The following RPL21 variants were observed in gnomAD, a reference collection of about 807,000 sequenced individuals.
The protein encoded by RPL21 is large ribosomal subunit protein eL21.
In RPL21, 1 loss-of-function variant was observed where a neutral mutation model predicts 21.2. That is an observed-to-expected ratio of 0.05 (90% CI 0.02 to 0.22). The LOEUF is 0.22. RPL21 is among the 10% of genes least tolerant of loss of function. RPL21 has a pLI of 1.00. For missense variants in RPL21, 113 were observed against 199.4 expected, an observed-to-expected ratio of 0.57 and a Z score of 2.61; for synonymous variants, 52 against 62.9, an observed-to-expected ratio of 0.83 and a Z score of 0.82.
At chr13:27,255,864 G>A (rs560119461) in intron 4 of RPL21, 7 of 326,450 alleles carry the variant, frequency 2.1e-5, no homozygotes, top group East Asian at 8.2e-5. Flanking sequence ...GAGCCACCGC[G>A]CCTGGCCCAG....
intron 2 of RPL21, 80 bp from the exon 3 acceptor site, chr13:27,254,140 G>C (rs1320032002): frequency 4.5e-6 from 4 of 895,976 alleles, no homozygotes; most frequent in Non-Finnish European, 7.6e-6. Context: ...TGATATATGT[G>C]TTAAAAGCTA....
At chr13:27,253,136 A>G (rs1261923173) in intron 1 of RPL21, among the ~76,000 whole-genome samples, 1 of 152,246 alleles carries the variant, frequency 6.6e-6, no homozygotes, top group Non-Finnish European at 1.5e-5. Context: ...CCTATTTTAC[A>G]AATGAAGATG....
At chr13:27,255,055 T>G (rs946548548) in intron 3 of RPL21, 187 bp from the exon 4 acceptor site, 1 of 756,878 alleles carries the variant, frequency 1.3e-6, no homozygotes, top group African/African-American at 1.7e-5. Context: ...AAATGTATCT[T>G]GGCACTCGAG....
At chr13:27,254,815 C>A (rs1163441895) in intron 3 of RPL21, 1 of 350,826 alleles carries the variant, frequency 2.9e-6, no homozygotes, top group Non-Finnish European at 5.5e-6. Context: ...ACCACCGTGC[C>A]CGGCCTAGAA....
In RPL21 at chr13:27,256,079, G is replaced by T. The variant is rs952096252; in HGVS notation, c.243-105G>T. 4 of 853,462 alleles carry T rather than the reference G, an allele frequency of 4.7e-6. No individual in the cohort carries two copies. In the African/African-American group the frequency reaches 6.8e-5, roughly 14 times the overall value. 52.9% of individuals were successfully genotyped at this position (853,462 alleles called of 1,614,324 possible). A position where few individuals can be genotyped will look rare whatever the true frequency, so the allele number is the denominator to read the frequency against. On this transcript the variant is annotated intron_variant, in intron 4 of 5. Coordinates refer to ENST00000311549, the MANE Select transcript of RPL21 (RefSeq NM_000982.4). The stretch of plus-strand genomic sequence containing the variant: ...TACTTTGTTGATTTGTCATATCTGG[G>T]TAAAAGGTTTATGGTTTATTTAATA...
intron 2 of RPL21, among the ~76,000 whole-genome samples, 161 bp downstream of exon 2, chr13:27,254,004 G>T (rs1348784688): frequency 6.6e-6 from 1 of 152,154 alleles, no homozygotes; most frequent in Non-Finnish European, 1.5e-5. Context: ...AAAATTATAT[G>T]GTGATTTTGT....
intron 4 of RPL21, 164 bp downstream of exon 4, chr13:27,255,518 G>A (rs753307222): frequency 1.3e-6 from 1 of 760,138 alleles, no homozygotes; most frequent in East Asian, 2.5e-5. Flanking sequence ...CCTGTCAGAG[G>A]AAACAAATTG....
At position 27,256,416 on chromosome 13, in the gene RPL21, C is replaced by T. The variant is rs764559901; in HGVS notation, c.394-20C>T. On this transcript the variant is annotated intron_variant, in intron 5 of 5. Coordinates refer to ENST00000311549, the MANE Select transcript of RPL21 (RefSeq NM_000982.4). Reference sequence around the variant, plus strand: ...ACACATCACATAATTATTTTATTCCCTTTTTTTTTCCTTTAATAGCCTGCT... The same window carrying T: ...ACACATCACATAATTATTTTATTCCTTTTTTTTTTCCTTTAATAGCCTGCT... The T allele has an allele frequency of 2.6e-5, 40 of 1,550,692 alleles. 2 individuals are homozygous for T. The Middle Eastern group carries it at 6.7e-4, about 26-fold the overall frequency.
intron 1 of RPL21, among the ~76,000 whole-genome samples, chr13:27,252,470 T>C (rs1470267206): frequency 1.3e-5 from 2 of 152,226 alleles, no homozygotes; most frequent in Non-Finnish European, 2.9e-5. Context: ...AAAAGTGCCT[T>C]CAGTTTTAAG....
chr13:27,253,631 C>T (rs1311286416), intron 1 of RPL21, 134 bp from the exon 2 acceptor site: 2 of 679,056 alleles, frequency 2.9e-6, no homozygotes, highest in East Asian at 5.6e-5. Context: ...TTCAACAGAA[C>T]TAACTGCTTG....
intron 2 of RPL21, among the ~76,000 whole-genome samples, 155 bp downstream of exon 2, chr13:27,253,998 TTA>T (rs1475946419): frequency 6.6e-6 from 1 of 152,326 alleles, no homozygotes; most frequent in East Asian, 1.9e-4. Flanking sequence ...ATTACCAAAA[TTA>T]TATGGTGATT....
Position 27,254,779 on chromosome 13 carries a change from A to G in RPL21, c.130-463A>G, listed in dbSNP as rs549183342. ...GTGATCCGCCGGACTCAGCCTCCCA[A>G]TGTGCTGGGATTATTACAGGTGTGA... is the stretch of plus-strand genomic sequence containing the variant. On this transcript the variant is annotated intron_variant, in intron 3 of 5. Coordinates refer to ENST00000311549, the MANE Select transcript of RPL21 (RefSeq NM_000982.4). Among the ~76,000 whole-genome samples the G allele has an allele frequency of 7.2e-5, 11 of 152,304 alleles. No individual in the cohort carries two copies. In the East Asian group the frequency reaches 7.7e-4, roughly 11 times the overall value.
intron 3 of RPL21, among the ~76,000 whole-genome samples, chr13:27,254,744 A>C (rs1340694408): frequency 6.6e-6 from 1 of 152,010 alleles, no homozygotes; most frequent in East Asian, 1.9e-4. Context: ...GCTGGTCTTG[A>C]ACACCTCGGG....
intron 3 of RPL21, 81 bp downstream of exon 3, chr13:27,254,362 GTA>G: frequency 1.5e-6 from 1 of 680,256 alleles, no homozygotes; most frequent in South Asian, 1.4e-5. Context: ...AAATACTAGT[GTA>G]TGTTGCATCT....
At chr13:27,254,072 TTG>T in intron 2 of RPL21, 146 bp from the exon 3 acceptor site, 1 of 701,362 alleles carries the variant, frequency 1.4e-6, no homozygotes, top group South Asian at 1.6e-5. Context: ...AGTAGGCTGA[TTG>T]TGCTGTCAGG....
chr13:27,253,308 T>A (rs1456073847), intron 1 of RPL21, among the ~76,000 whole-genome samples: 1 of 152,244 alleles, frequency 6.6e-6, no homozygotes, highest in Non-Finnish European at 1.5e-5. Context: ...GTTAAATAGA[T>A]GATGTTTGAG....
rs77748382 is a variant in RPL21 at position 27,254,313 on chromosome 13, G to A, written c.129+32G>A. The A allele has an allele frequency of 8.7e-3, 11,354 of 1,298,778 alleles. 67 individuals carry two copies. The highest frequency in any genetic ancestry group is 0.013 in the Middle Eastern group (73 of 5,422). The allele number at this position is 1,298,778 out of a possible 1,614,324, so 80.5% of individuals were successfully genotyped here. A position where few individuals can be genotyped will look rare whatever the true frequency, so the allele number is the denominator to read the frequency against. Reference sequence around the variant, plus strand: ...ATAAAATTGGGAAAATAACACTACAGAAGATAGAAAAGTTGGATTTAATCT... The same window carrying A: ...ATAAAATTGGGAAAATAACACTACAAAAGATAGAAAAGTTGGATTTAATCT... On this transcript the variant is annotated intron_variant, in intron 3 of 5. Transcript: ENST00000311549.
intron 3 of RPL21, chr13:27,254,887 T>G (rs1367859037): frequency 2.5e-6 from 1 of 394,502 alleles, no homozygotes; most frequent in East Asian, 6.3e-5. Flanking sequence ...CGCTTGGAGT[T>G]AACAGCTAGT....
chr13:27,254,477 GCCTC>G, intron 3 of RPL21, 196 bp downstream of exon 3: 1 of 518,522 alleles, frequency 1.9e-6, no homozygotes, highest in Non-Finnish European at 3.3e-6. Flanking sequence ...CTCAACCTCC[GCCTC>G]CCTCCCGGAT....
Sources: gnomAD v4.1 joint callset for allele counts (sites outside exome capture counted in the v4.1 genomes callset) on GRCh38, gnomAD v4.1.1 for gene constraint, MANE v1.5 for transcripts, NCBI Gene and HGNC (gene_info 2026-07-23, HGNC 2026-07-21) for gene names.